ADAMTS19: variants seen among roughly 807,000 people sequenced by gnomAD.
ADAMTS19 encodes the protein ADAM metallopeptidase with thrombospondin type 1 motif 19, also known as A disintegrin and metalloproteinase with thrombospondin motifs 19.
Under a neutral mutation model 153.3 loss-of-function variants are expected in ADAMTS19, and 93 were observed. The observed-to-expected ratio is 0.61, with a 90% confidence interval of 0.51 to 0.72. The LOEUF (loss-of-function observed/expected upper bound fraction) is 0.72. Among genes scored for constraint, ADAMTS19 ranks in the 30% least tolerant of loss-of-function variants. ADAMTS19 has a pLI of 0.00. For synonymous variants in ADAMTS19, 600 were observed against 556.6 expected (o/e 1.08, Z -1.10); for missense variants, 1,482 against 1,552.1 (o/e 0.95, Z 0.76).
intron 11 of ADAMTS19, among the ~76,000 whole-genome samples, chr5:129,644,952 T>C (rs2127032283): frequency 6.6e-6 from 1 of 152,280 alleles, no homozygotes; most frequent in African/African-American, 2.4e-5. Flanking sequence ...TGTACACAGC[T>C]TTTTCCCTGC....
chr5:129,567,367 C>T (rs1464863136), intron 7 of ADAMTS19, among the ~76,000 whole-genome samples: 1 of 151,764 alleles, frequency 6.6e-6, no homozygotes, highest in Non-Finnish European at 1.5e-5. Context: ...GAAAAGACAC[C>T]CAACAGATGC....
intron 6 of ADAMTS19, among the ~76,000 whole-genome samples, chr5:129,543,613 T>C (rs779055595): frequency 3.9e-5 from 6 of 152,190 alleles, no homozygotes; most frequent in Non-Finnish European, 7.4e-5. Flanking sequence ...TCTGGATGCA[T>C]TATAAAGGCA....
intron 2 of ADAMTS19, among the ~76,000 whole-genome samples, chr5:129,506,532 C>A (rs1255097386): frequency 6.6e-6 from 1 of 151,532 alleles, no homozygotes; most frequent in Non-Finnish European, 1.5e-5. Context: ...TGTCCTGCAC[C>A]CAGTAACTCG....
intron 7 of ADAMTS19, among the ~76,000 whole-genome samples, chr5:129,559,187 A>G (rs1438599751): frequency 1.3e-5 from 2 of 152,098 alleles, no homozygotes; most frequent in Non-Finnish European, 2.9e-5. Flanking sequence ...AAGACATTAC[A>G]ATGTGAAATG....
At chr5:129,519,865 A>G (rs938671674) in intron 3 of ADAMTS19, among the ~76,000 whole-genome samples, 1 of 152,012 alleles carries the variant, frequency 6.6e-6, no homozygotes, top group Non-Finnish European at 1.5e-5. Context: ...TTTTTCTAAA[A>G]GGTGCATTTT....
At chr5:129,694,194 CAG>C (rs1394133292) in intron 18 of ADAMTS19, among the ~76,000 whole-genome samples, 1 of 152,126 alleles carries the variant, frequency 6.6e-6, no homozygotes, top group Non-Finnish European at 1.5e-5. Flanking sequence ...TAATTTGTAA[CAG>C]GGAATATTTA....
At chr5:129,666,333 T>C (rs1754054624) in intron 16 of ADAMTS19, among the ~76,000 whole-genome samples, 2 of 152,148 alleles carry the variant, frequency 1.3e-5, no homozygotes, top group South Asian at 4.1e-4. Context: ...AATATGATTA[T>C]GTCAGGCAGA....
intron 18 of ADAMTS19, among the ~76,000 whole-genome samples, chr5:129,684,918 C>T (rs772462674): frequency 4.6e-5 from 7 of 150,880 alleles, no homozygotes; most frequent in Admixed American, 6.6e-5. Flanking sequence ...ACCTGGGAGA[C>T]GGGGCTTGCA....
chr5:129,508,304 C>A (rs986158133), intron 2 of ADAMTS19, among the ~76,000 whole-genome samples: 1 of 151,930 alleles, frequency 6.6e-6, no homozygotes, highest in Non-Finnish European at 1.5e-5. Context: ...AAGATCAAGT[C>A]ATAGCATGTT....
chr5:129,630,571 A>G (rs576134873), intron 10 of ADAMTS19, among the ~76,000 whole-genome samples: 24 of 152,244 alleles, frequency 1.6e-4, no homozygotes, highest in Admixed American at 3.9e-4. Flanking sequence ...TTAAAATTAC[A>G]TCATATCATA....
At chr5:129,671,811 T>C (rs1754314358) in intron 16 of ADAMTS19, among the ~76,000 whole-genome samples, 1 of 152,140 alleles carries the variant, frequency 6.6e-6, no homozygotes, top group Non-Finnish European at 1.5e-5. Context: ...AATCATTCCA[T>C]CTCATGAGTT....
chr5:129,649,303 GT>G (rs61224325), intron 13 of ADAMTS19, among the ~76,000 whole-genome samples: 7,563 of 152,170 alleles, frequency 0.05, 263 homozygotes, highest in African/African-American at 0.1. Flanking sequence ...TAGTTTGACA[GT>G]TTTGTAAATA....
At chr5:129,482,678 T>C (rs954148959) in intron 2 of ADAMTS19, among the ~76,000 whole-genome samples, 2 of 152,210 alleles carry the variant, frequency 1.3e-5, no homozygotes, top group African/African-American at 4.8e-5. Context: ...ACAGAACTTA[T>C]AACAAGCAAG....
chr5:129,556,548 A>C (rs1753316897), intron 7 of ADAMTS19, among the ~76,000 whole-genome samples: 1 of 152,192 alleles, frequency 6.6e-6, no homozygotes, highest in Non-Finnish European at 1.5e-5. Flanking sequence ...AGCAACAAAG[A>C]ATTAAGGTAG....
intron 14 of ADAMTS19, among the ~76,000 whole-genome samples, chr5:129,658,119 A>AG (rs1753624624): frequency 6.6e-6 from 1 of 151,830 alleles, no homozygotes; most frequent in Non-Finnish European, 1.5e-5. Flanking sequence ...ACCTTGTCTC[A>AG]ACAAAAAAAC....
intron 22 of ADAMTS19, 124 bp from the exon 23 acceptor site, chr5:129,736,943 A>G: frequency 1.1e-6 from 1 of 875,704 alleles, no homozygotes. Flanking sequence ...TTTAAATTCC[A>G]GAAGGTAATA....
intron 1 of ADAMTS19, chr5:129,460,753 A>T: frequency 1.8e-6 from 1 of 570,112 alleles, no homozygotes; most frequent in East Asian, 3.0e-5. Context: ...GAGGAAAATT[A>T]GAACGTACCT....
intron 2 of ADAMTS19, among the ~76,000 whole-genome samples, chr5:129,482,446 A>G (rs1490867159): frequency 1.3e-5 from 2 of 152,206 alleles, no homozygotes; most frequent in Non-Finnish European, 2.9e-5. Flanking sequence ...AATAGAAGAT[A>G]TTTCATGTGC....
chr5:129,619,952 T>C (rs1055313483), intron 8 of ADAMTS19, among the ~76,000 whole-genome samples: 2 of 151,742 alleles, frequency 1.3e-5, no homozygotes, highest in Non-Finnish European at 1.5e-5. Context: ...AAGAGAAAAA[T>C]AGAATAGAGG....
Sources: gnomAD v4.1 joint callset for allele counts (sites outside exome capture counted in the v4.1 genomes callset) on GRCh38, gnomAD v4.1.1 for gene constraint, MANE v1.5 for transcripts, NCBI Gene and HGNC (gene_info 2026-07-23, HGNC 2026-07-21) for gene names.